Variants in EIF5B observed in about 807,000 individuals in gnomAD.
EIF5B encodes eIF-5B.
Under a neutral mutation model 147.5 loss-of-function variants are expected in EIF5B, and 47 were observed. The observed-to-expected ratio is 0.32, with a 90% CI of 0.25 to 0.41. EIF5B has a LOEUF of 0.41. Ranked by LOEUF, EIF5B falls within the 10% of genes least tolerant of loss-of-function variation. The probability of loss-of-function intolerance (pLI) is 1.00; values close to 1 mark genes in which losing one functional copy is unlikely to be tolerated. For missense variants in EIF5B, 1,064 were observed against 1,413.2 expected (o/e 0.75, Z 3.96); for synonymous variants, 455 against 456.2 (o/e 1.00, Z 0.03).
chr2:99,379,341 T>C lies in EIF5B; in HGVS notation c.1974T>C (p.Asp658=), dbSNP rs1376443. The C allele has an allele frequency of 0.59, 944,998 of 1,611,824 alleles. 280,959 individuals carry two copies. The highest frequency in any genetic ancestry group is 0.75 in the African/African-American group (56,272 of 74,938). Residue 658 remains aspartate (D), a synonymous_variant, in exon 12 of 24, where the codon GAT becomes GAC. Transcript: ENST00000289371. ...LDKLRHTHVQ[D]GEAGGITQQI... ...AGCTCCGTCACACACATGTACAAGA[T>C]GGTGAAGCAGGTGGTATCACACAAC...
intron 14 of EIF5B, among the ~76,000 whole-genome samples, chr2:99,385,052 C>CT (rs970465394): frequency 6.9e-4 from 102 of 147,168 alleles, no homozygotes; most frequent in African/African-American, 1.3e-3. Context: ...AGATAAATTT[C>CT]TTTTTTTTTT....
chr2:99,338,403 C>G, intron 1 of EIF5B: 1 of 1,174,012 alleles, frequency 8.5e-7, no homozygotes. Context: ...TGGGAGTGAA[C>G]AACATCTGTT....
intron 1 of EIF5B, among the ~76,000 whole-genome samples, chr2:99,355,616 T>G (rs1432833259): frequency 7.0e-6 from 1 of 142,800 alleles, no homozygotes; most frequent in Non-Finnish European, 1.5e-5. Flanking sequence ...TTGGGTTTTT[T>G]TTTTTTTTTT....
chr2:99,384,835 T>G (rs895760973), intron 14 of EIF5B, among the ~76,000 whole-genome samples: 2 of 152,220 alleles, frequency 1.3e-5, no homozygotes, highest in African/African-American at 4.8e-5. Context: ...GAGAAGCTGC[T>G]TCTTATGGGT....
chr2:99,371,212 G>A (rs1674437737), intron 8 of EIF5B: 1 of 153,154 alleles, frequency 6.5e-6, no homozygotes, highest in African/African-American at 2.4e-5. Context: ...GTTCTGGCTG[G>A]GCGCGGTGGC....
intron 14 of EIF5B, among the ~76,000 whole-genome samples, chr2:99,386,152 C>T (rs1282060437): frequency 1.3e-5 from 2 of 152,190 alleles, no homozygotes; most frequent in African/African-American, 4.8e-5. Flanking sequence ...CATATCTTTG[C>T]GAATACTCGC....
intron 5 of EIF5B, 92 bp from the exon 6 acceptor site, chr2:99,364,179 A>G: frequency 6.8e-7 from 1 of 1,478,380 alleles, no homozygotes; most frequent in Non-Finnish European, 9.0e-7. Context: ...CATGTGTCTC[A>G]AGAGATTTAT....
chr2:99,382,354 T>C (rs1035264632), intron 13 of EIF5B, 128 bp downstream of exon 13: 1 of 686,020 alleles, frequency 1.5e-6, no homozygotes, highest in African/African-American at 1.8e-5. Flanking sequence ...CCTTTGTACC[T>C]CATTGATTTA....
Position 99,390,627 on chromosome 2 carries a change from T to G in EIF5B, c.2670T>G (p.Val890=), listed in dbSNP as rs759992563. 6.2e-7 allele frequency: 1 copy of G among 1,613,278 alleles called. No homozygotes were observed. Among genetic ancestry groups the G allele is most frequent in the Admixed American group, 1.7e-5 (1 of 59,994 alleles). The part of the protein sequence containing the change: ...GRLKEGDTII[V]PGVEGPIVTQ... ...TGAAGGAAGGAGATACAATCATTGT[T>G]CCTGGAGTAGAAGGGCCCATTGTAA... The change falls in exon 17 of 24, where the codon GTT becomes GTG. Residue 890 remains valine (V), a synonymous_variant. Coordinates refer to ENST00000289371, the MANE Select transcript of EIF5B (RefSeq NM_015904.4).
intron 1 of EIF5B, chr2:99,340,814 G>T (rs554350755): frequency 3.2e-4 from 48 of 151,224 alleles, no homozygotes; most frequent in Admixed American, 2.9e-3. Flanking sequence ...CTGTCACCCC[G>T]GGTGGAGTAC....
At chr2:99,361,910 G>C in intron 4 of EIF5B, 90 bp downstream of exon 4, 1 of 1,268,752 alleles carries the variant, frequency 7.9e-7, no homozygotes, top group South Asian at 2.0e-5. Flanking sequence ...TTTGTTATTT[G>C]TCCATGGGTA....
intron 13 of EIF5B, 67 bp from the exon 14 acceptor site, chr2:99,382,713 T>TA (rs1260855884): frequency 6.9e-7 from 1 of 1,451,182 alleles, no homozygotes; most frequent in Non-Finnish European, 9.2e-7. Context: ...CAGAGAAGTT[T>TA]AAAAGTTTAA....
chr2:99,351,875 T>C (rs1226895305), intron 1 of EIF5B, among the ~76,000 whole-genome samples: 2 of 152,006 alleles, frequency 1.3e-5, no homozygotes, highest in African/African-American at 4.8e-5. Context: ...TTTTTTTGTA[T>C]TTTTAGTAGG....
intron 1 of EIF5B, 73 bp downstream of exon 1, chr2:99,337,662 G>T (rs925783731): frequency 2.6e-6 from 4 of 1,523,792 alleles, no homozygotes; most frequent in African/African-American, 2.8e-5. Flanking sequence ...GCCGGGCGCG[G>T]CGTCGGACCG....
chr2:99,385,439 A>G (rs926943848), intron 14 of EIF5B, among the ~76,000 whole-genome samples: 1 of 152,220 alleles, frequency 6.6e-6, no homozygotes, highest in African/African-American at 2.4e-5. Context: ...CCCAGCCTTT[A>G]TGAGCTACCA....
chr2:99,343,271 T>A (rs992738927), intron 1 of EIF5B, among the ~76,000 whole-genome samples: 4 of 151,358 alleles, frequency 2.6e-5, no homozygotes, highest in Non-Finnish European at 4.4e-5. Flanking sequence ...TGTATTTTTA[T>A]TGTTGGGTTG....
At chr2:99,373,218 T>A (rs1674491098) in intron 9 of EIF5B, among the ~76,000 whole-genome samples, 1 of 152,256 alleles carries the variant, frequency 6.6e-6, no homozygotes, top group African/African-American at 2.4e-5. Context: ...TAAATAGCAT[T>A]ATCTTAGTCC....
chr2:99,384,649 G>A (rs556917438), intron 14 of EIF5B, among the ~76,000 whole-genome samples: 1 of 152,220 alleles, frequency 6.6e-6, no homozygotes, highest in African/African-American at 2.4e-5. Flanking sequence ...TATAAACATT[G>A]ATAGGAGTTT....
intron 1 of EIF5B, among the ~76,000 whole-genome samples, chr2:99,358,062 A>G (rs1408526551): frequency 6.6e-6 from 1 of 151,984 alleles, no homozygotes; most frequent in Non-Finnish European, 1.5e-5. Flanking sequence ...TCATTGTACC[A>G]GATGTAGCAT....
Sources: allele counts gnomAD v4.1 joint callset (sites outside exome capture counted in the v4.1 genomes callset), GRCh38; gene constraint gnomAD v4.1.1; transcripts MANE v1.5; gene names NCBI Gene and HGNC (gene_info 2026-07-23, HGNC 2026-07-21).